Variants in NLRP2 observed in about 807,000 individuals in gnomAD.
NLRP2 encodes the protein NLR family pyrin domain containing 2, also known as NACHT, LRR and PYD domains-containing protein 2.
In NLRP2, 107 loss-of-function variants were observed where a neutral mutation model predicts 97.2. The observed-to-expected ratio is 1.10, with a 90% confidence interval of 0.94 to 1.29. NLRP2 has a LOEUF of 1.29. NLRP2 is among the 50% of genes most tolerant of loss of function. The pLI, the probability that NLRP2 is intolerant of heterozygous loss-of-function variation, is 0.00. For missense variants in NLRP2, 1,495 were observed against 1,330.3 expected (o/e 1.12, Z -1.93); for synonymous variants, 663 against 551.5 (o/e 1.20, Z -2.83).
chr19:54,970,002 C>T lies in NLRP2; in HGVS notation c.-14C>T. ...CCTCCCTTGATTGTCATCACAGCTC[C>T]CACGTGGGACAAGATGGTGTCTTCG... On this transcript the variant is annotated 5_prime_UTR_variant, in exon 2 of 13. Coordinates refer to ENST00000448584, the MANE Select transcript of NLRP2 (RefSeq NM_017852.5). The T allele has an allele frequency of 1.2e-6, 2 of 1,612,842 alleles. No individual in the cohort carries two copies. Among genetic ancestry groups the T allele is most frequent in the Non-Finnish European group, 1.7e-6 (2 of 1,179,956 alleles).
chr19:54,977,887 C>T, intron 4 of NLRP2, 64 bp downstream of exon 4: 6 of 1,443,906 alleles, frequency 4.2e-6, no homozygotes, highest in Non-Finnish European at 5.8e-6. Context: ...GCTGCTATCT[C>T]CTGTTCCTTT....
intron 3 of NLRP2, among the ~76,000 whole-genome samples, chr19:54,977,230 T>G (rs1425716357): frequency 6.6e-6 from 1 of 152,094 alleles, no homozygotes; most frequent in Non-Finnish European, 1.5e-5. Flanking sequence ...GAGACCAGCC[T>G]GACCAACGTA....
chr19:54,971,911 C>T (rs1398120797), intron 2 of NLRP2, among the ~76,000 whole-genome samples: 1 of 151,668 alleles, frequency 6.6e-6, no homozygotes, highest in Non-Finnish European at 1.5e-5. Context: ...TCACTGCAAC[C>T]TCCGCCTCCC....
In NLRP2 at chr19:54,998,506, CAT is replaced by C. The variant is rs2072965669; in HGVS notation, c.3050+1022_3050+1023del. On this transcript the variant is annotated intron_variant, in intron 12 of 12. Transcript: ENST00000448584. ...CTAAGATACTTTGTAAGTCAAAAGACATATGGACACTAAGGGTTTTTTTAAGC... is the reference window on the plus strand; with the variant it reads ...CTAAGATACTTTGTAAGTCAAAAGACATGGACACTAAGGGTTTTTTTAAGC... 2.7e-5 allele frequency among the ~76,000 whole-genome samples: 4 copies of C among 150,662 alleles called. No individual in the cohort carries two copies. The South Asian group carries it at 6.3e-4, about 24-fold the overall frequency.
chr19:54,969,560 CAGG>C (rs1306976141), intron 1 of NLRP2, among the ~76,000 whole-genome samples: 1 of 151,950 alleles, frequency 6.6e-6, no homozygotes, highest in African/African-American at 2.4e-5. Context: ...GAGGCTGAGG[CAGG>C]AGAACTGTTT....
intron 2 of NLRP2, among the ~76,000 whole-genome samples, chr19:54,971,811 A>C (rs1170995983): frequency 1.3e-5 from 2 of 152,016 alleles, no homozygotes; most frequent in African/African-American, 4.8e-5. Context: ...ACAATACAAT[A>C]AAATGCACAT....
chr19:54,973,191 A>G (rs172006), intron 2 of NLRP2, among the ~76,000 whole-genome samples: 20,204 of 151,066 alleles, frequency 0.13, 1,766 homozygotes, highest in Non-Finnish European at 0.2. Flanking sequence ...TCCATCTCAA[A>G]AAAAAAAAAC....
In NLRP2 at chr19:54,989,301, T is replaced by C. The variant is rs112518486; in HGVS notation, c.2367-721T>C. ...GCCTGGCCAACATGGTAAAACCCCA[T>C]CTCTACTAAAAAATACAAAAATTAG... On this transcript the variant is annotated intron_variant, in intron 8 of 12. Coordinates refer to ENST00000448584, the MANE Select transcript of NLRP2 (RefSeq NM_017852.5). 1.6e-3 allele frequency among the ~76,000 whole-genome samples: 248 copies of C among 151,296 alleles called. 1 individual carries two copies. Among genetic ancestry groups the C allele is most frequent in the African/African-American group, 5.7e-3 (237 of 41,304 alleles).
intron 3 of NLRP2, chr19:54,976,812 C>CTCTTT (rs1555768188): frequency 1.8e-5 from 6 of 329,374 alleles, no homozygotes; most frequent in Non-Finnish European, 1.1e-5. Flanking sequence ...TGTTCTCTCT[C>CTCTTT]TTTTTTTTTT....
chr19:54,969,496 A>T (rs269911), intron 1 of NLRP2, among the ~76,000 whole-genome samples: 19,881 of 141,580 alleles, frequency 0.14, 1,727 homozygotes, highest in Non-Finnish European at 0.21. Flanking sequence ...AAAAAAAAAA[A>T]ATACAAAAAG....
chr19:54,970,986 C>A (rs1384962115), intron 2 of NLRP2, among the ~76,000 whole-genome samples: 130 of 101,394 alleles, frequency 1.3e-3, no homozygotes, highest in African/African-American at 4.8e-3. Flanking sequence ...CCCACCCCAC[C>A]ACAGTCCCCA....
intron 10 of NLRP2, among the ~76,000 whole-genome samples, chr19:54,992,538 T>TGGG (rs58208380): frequency 9.9e-6 from 1 of 101,148 alleles, no homozygotes; most frequent in African/African-American, 4.2e-5. Context: ...GGTATTTTTT[T>TGGG]GGGGGGGGGG....
chr19:54,996,575 G>C (rs1467916275), intron 11 of NLRP2, among the ~76,000 whole-genome samples: 4 of 152,088 alleles, frequency 2.6e-5, no homozygotes, highest in African/African-American at 7.2e-5. Flanking sequence ...TGTCAATCCA[G>C]GTAAAATCCT....
At chr19:55,000,434 G>A (rs1240485624) in intron 12 of NLRP2, among the ~76,000 whole-genome samples, 22 of 150,440 alleles carry the variant, frequency 1.5e-4, no homozygotes, top group African/African-American at 2.7e-4. Context: ...CCGCCACCAC[G>A]CCCGGCTAAT....
intron 11 of NLRP2, among the ~76,000 whole-genome samples, chr19:54,996,742 C>G (rs530490497): frequency 3.6e-4 from 55 of 152,132 alleles, no homozygotes; most frequent in Non-Finnish European, 1.9e-4. Flanking sequence ...CAAGCTATTT[C>G]TCTGCCTGGA....
chr19:54,970,350 G>A (rs1168712922), intron 2 of NLRP2, 55 bp downstream of exon 2: 2 of 1,606,608 alleles, frequency 1.2e-6, no homozygotes, highest in Non-Finnish European at 8.5e-7. Flanking sequence ...GTCCTCTCCA[G>A]GACTTTAGAA....
At chr19:54,965,870 C>CGTGCCG (rs1568451722), upstream of NLRP2, among the ~76,000 whole-genome samples, 2 of 98,444 alleles carry the variant, frequency 2.0e-5, no homozygotes, top group African/African-American at 3.9e-5. Context: ...GAGCCGAGAT[C>CGTGCCG]GTGCCGTTGC....
At chr19:54,985,498 C>T (rs2071997502) in intron 7 of NLRP2, among the ~76,000 whole-genome samples, 1 of 148,390 alleles carries the variant, frequency 6.7e-6, no homozygotes, top group South Asian at 2.2e-4. Context: ...GCCAACGTGA[C>T]AAAACCCTGC....
intron 10 of NLRP2, chr19:54,993,791 A>C (rs1654501): frequency 0.39 from 101,802 of 260,596 alleles, 20,915 homozygotes; most frequent in Middle Eastern, 0.46. Flanking sequence ...ATCGCGTGAA[A>C]CCAGGAGGCG....
Sources: allele counts gnomAD v4.1 joint callset (sites outside exome capture counted in the v4.1 genomes callset), GRCh38; gene constraint gnomAD v4.1.1; transcripts MANE v1.5; gene names NCBI Gene and HGNC (gene_info 2026-07-23, HGNC 2026-07-21).